AFAP1: variants seen among roughly 807,000 people sequenced by gnomAD.
AFAP1 encodes actin filament-associated protein 1.
A neutral mutation model predicts 93.9 loss-of-function variants in AFAP1; 75 were observed. The ratio of observed to expected loss-of-function variants is 0.80; its 90% CI spans 0.66 to 0.97. The LOEUF is 0.97. Among genes scored for constraint, AFAP1 ranks in the 50% least tolerant of loss-of-function variants. The probability of loss-of-function intolerance (pLI) is 0.00; values close to 1 mark genes in which losing one functional copy is unlikely to be tolerated. For missense variants in AFAP1, 1,201 were observed against 1,050.8 expected, an observed-to-expected ratio of 1.14 and a Z score of -1.98; for synonymous variants, 517 against 430.7, an observed-to-expected ratio of 1.20 and a Z score of -2.48.
intron 5 of AFAP1, among the ~76,000 whole-genome samples, chr4:7,839,696 C>G (rs918361466): frequency 1.3e-5 from 2 of 152,134 alleles, no homozygotes; most frequent in African/African-American, 4.8e-5. Context: ...AGACTTAACT[C>G]AAATGGCTCT....
At chr4:7,867,710 TC>T in intron 3 of AFAP1, among the ~76,000 whole-genome samples, 1 of 152,294 alleles carries the variant, frequency 6.6e-6, no homozygotes, top group African/African-American at 2.4e-5. Context: ...CGTTAGGGGT[TC>T]TTTGAGGCCA....
intron 1 of AFAP1, among the ~76,000 whole-genome samples, chr4:7,936,743 G>T (rs536356453): frequency 6.6e-6 from 1 of 151,936 alleles, no homozygotes; most frequent in African/African-American, 2.4e-5. Flanking sequence ...CACCACACCC[G>T]GCTAACTTTT....
chr4:7,766,882 C>T (rs568001791), intron 17 of AFAP1, among the ~76,000 whole-genome samples: 53 of 151,346 alleles, frequency 3.5e-4, no homozygotes, highest in African/African-American at 1.3e-3. Flanking sequence ...CCAGAACCCT[C>T]TCTTGCGCTC....
chr4:7,840,249 G>A (rs1034027775), intron 5 of AFAP1, among the ~76,000 whole-genome samples: 1 of 130,946 alleles, frequency 7.6e-6, no homozygotes, highest in Non-Finnish European at 1.7e-5. Flanking sequence ...GTCCTTTCTG[G>A]TTTGTTTTTG....
chr4:7,875,341 T>A (rs535064975), intron 1 of AFAP1, among the ~76,000 whole-genome samples: 7 of 152,284 alleles, frequency 4.6e-5, no homozygotes, highest in African/African-American at 1.4e-4. Flanking sequence ...CACCAGCAGT[T>A]CACTCTTTCC....
In AFAP1 at chr4:7,796,521, G is replaced by A. The variant is rs535495400; in HGVS notation, c.1267-2695C>T. On this transcript the variant is annotated intron_variant, in intron 10 of 17. Transcript: ENST00000420658. ...TCCCAGCACTTTGGGAGGCCGAGGC[G>A]GGCGGATCATGAGGTCAGGAGATCG... 7.9e-5 allele frequency among the ~76,000 whole-genome samples: 12 copies of A among 152,116 alleles called. No homozygotes were observed. The South Asian group carries it at 1.0e-3, about 13-fold the overall frequency.
At chr4:7,788,792 T>TCCC (rs10649540) in intron 11 of AFAP1, 53,396 of 151,912 alleles carry the variant, frequency 0.35, 10,422 homozygotes, top group African/African-American at 0.52. Flanking sequence ...ACAGGGACCA[T>TCCC]CCCCTCCCCT....
At chr4:7,876,433 G>C (rs1717510412) in intron 1 of AFAP1, among the ~76,000 whole-genome samples, 1 of 152,180 alleles carries the variant, frequency 6.6e-6, no homozygotes, top group African/African-American at 2.4e-5. Context: ...TCTATCTTTT[G>C]CCTGAAGACT....
rs1286497707 is a variant in AFAP1, at chr4:7,761,834, G to A, written c.*1931C>T. ...CCTGCAATGGTGGGAAGTGACCACT[G>A]GAGGGAGGGCTCCTCTATGGCAATG... On this transcript the variant is annotated 3_prime_UTR_variant, in exon 18 of 18. Transcript: ENST00000420658. 1 of 152,278 alleles carries A rather than the reference G, an allele frequency of 6.6e-6. No homozygotes were observed. Among genetic ancestry groups the A allele is most frequent in the East Asian group, 1.9e-4 (1 of 5,178 alleles). The allele number at this position is 152,278 out of a possible 1,614,324, so 9.4% of individuals were successfully genotyped here. A position where few individuals can be genotyped will look rare whatever the true frequency, so the allele number is the denominator to read the frequency against.
At chr4:7,810,558 C>A (rs1195840877) in intron 8 of AFAP1, among the ~76,000 whole-genome samples, 1 of 152,206 alleles carries the variant, frequency 6.6e-6, no homozygotes, top group East Asian at 1.9e-4. Flanking sequence ...CTGTGAGACA[C>A]CTGACTCGGC....
At chr4:7,801,928 A>AAAAAAAAAAC in intron 9 of AFAP1, among the ~76,000 whole-genome samples, 1 of 151,268 alleles carries the variant, frequency 6.6e-6, no homozygotes, top group Non-Finnish European at 1.5e-5. Context: ...AAAAAAAAAA[A>AAAAAAAAAAC]AAAAAAAAAA....
At chr4:7,783,436 G>C (rs1716970345) in intron 12 of AFAP1, among the ~76,000 whole-genome samples, 1 of 152,196 alleles carries the variant, frequency 6.6e-6, no homozygotes, top group Non-Finnish European at 1.5e-5. Context: ...CATCGCGCCT[G>C]GCTATAAGTA....
At chr4:7,840,242 C>A (rs1712822592) in intron 5 of AFAP1, among the ~76,000 whole-genome samples, 1 of 126,704 alleles carries the variant, frequency 7.9e-6, no homozygotes, top group African/African-American at 3.0e-5. Flanking sequence ...TTCTAGAGTC[C>A]TTTCTGGTTT....
At chr4:7,830,233 T>C (rs771731183) in intron 6 of AFAP1, among the ~76,000 whole-genome samples, 15 of 152,186 alleles carry the variant, frequency 9.9e-5, no homozygotes, top group Non-Finnish European at 1.6e-4. Flanking sequence ...ACATACAAAA[T>C]AGTAACTCTC....
rs115168070 is a variant in AFAP1 at position 7,785,853 on chromosome 4, G to A, written c.1530+341C>T. ...CTTGGGAGGCTGAGGTGGGAGGATCGACTGAGCTGGGGAGGTTGAGCTATA... is the reference window on the plus strand; with the variant it reads ...CTTGGGAGGCTGAGGTGGGAGGATCAACTGAGCTGGGGAGGTTGAGCTATA... On this transcript the variant is annotated intron_variant, in intron 12 of 17. Coordinates refer to ENST00000420658, the MANE Select transcript of AFAP1 (RefSeq NM_001134647.2). Among the ~76,000 whole-genome samples, 1,407 of 152,274 alleles carry A rather than the reference G, an allele frequency of 9.2e-3. 7 individuals are homozygous for A. The highest frequency in any genetic ancestry group is 0.015 in the Non-Finnish European group (1,018 of 68,020).
intron 1 of AFAP1, among the ~76,000 whole-genome samples, chr4:7,928,866 T>G (rs1465052667): frequency 6.6e-6 from 1 of 152,202 alleles, no homozygotes; most frequent in Admixed American, 6.5e-5. Context: ...AGAAAGACAA[T>G]GACTTCTCCA....
chr4:7,879,852 A>T (rs557514459), intron 1 of AFAP1, among the ~76,000 whole-genome samples: 123 of 152,092 alleles, frequency 8.1e-4, no homozygotes, highest in Non-Finnish European at 9.6e-4. Context: ...TTTTTTGAAG[A>T]GACAGGGTCT....
At position 7,819,124 on chromosome 4, in the gene AFAP1, C is replaced by T. The variant is rs1294009700; in HGVS notation, c.774G>A (p.Glu258=). Reference sequence around the variant, plus strand: ...CCGGGGAGCTTGGTGGAGGAGGACACTCTGAATCCACGGGGCCACTACAAC... The same window carrying T: ...CCGGGGAGCTTGGTGGAGGAGGACATTCTGAATCCACGGGGCCACTACAAC... ...YSGCSGPVDS[E]CPPPPSSPVH... The change falls in exon 7 of 18, where the codon GAG becomes GAA. Residue 258 remains glutamate (E), a synonymous_variant. Transcript: ENST00000420658. 1.2e-6 allele frequency: 2 copies of T among 1,613,888 alleles called. No individual in the cohort carries two copies. The highest frequency in any genetic ancestry group is 2.2e-5 in the East Asian group (1 of 44,878).
At chr4:7,767,818 G>A (rs972734213) in intron 17 of AFAP1, among the ~76,000 whole-genome samples, 7 of 152,322 alleles carry the variant, frequency 4.6e-5, no homozygotes, top group African/African-American at 1.4e-4. Context: ...AGTGGCTCAC[G>A]ACTGTAATCC....
Sources: allele counts gnomAD v4.1 joint callset (sites outside exome capture counted in the v4.1 genomes callset), GRCh38; gene constraint gnomAD v4.1.1; transcripts MANE v1.5; gene names NCBI Gene and HGNC (gene_info 2026-07-23, HGNC 2026-07-21).